UBE2E2: variants seen among roughly 807,000 people sequenced by gnomAD.
UBE2E2 encodes the protein ubiquitin conjugating enzyme E2 E2.
UBE2E2 carries 6 observed loss-of-function variants against 24.7 expected under a neutral mutation model. That is an observed-to-expected ratio of 0.24 (90% CI 0.13 to 0.48). The LOEUF (loss-of-function observed/expected upper bound fraction) is 0.48, where lower values mean the gene tolerates loss of function less well. Ranked by LOEUF, UBE2E2 falls within the 20% of genes least tolerant of loss-of-function variation. UBE2E2 has a pLI of 0.99. For missense variants in UBE2E2, 169 were observed against 245.0 expected, an observed-to-expected ratio of 0.69 and a Z score of 2.07; for synonymous variants, 104 against 83.6, an observed-to-expected ratio of 1.24 and a Z score of -1.33.
At chr3:23,487,079 G>A (rs542123858) in intron 3 of UBE2E2, among the ~76,000 whole-genome samples, 1 of 152,242 alleles carries the variant, frequency 6.6e-6, no homozygotes, top group African/African-American at 2.4e-5. Flanking sequence ...CAATACCCCC[G>A]GCCTCCCTCC....
intron 3 of UBE2E2, among the ~76,000 whole-genome samples, chr3:23,379,634 C>T (rs1696615848): frequency 6.6e-6 from 1 of 151,654 alleles, no homozygotes; most frequent in South Asian, 2.1e-4. Flanking sequence ...TTTCTTAATC[C>T]AGTCTATCAT....
chr3:23,314,440 T>C (rs916586299), intron 3 of UBE2E2, among the ~76,000 whole-genome samples: 5 of 152,196 alleles, frequency 3.3e-5, no homozygotes, highest in African/African-American at 9.7e-5. Context: ...ATAGTTATTA[T>C]TTTTGTTGGG....
intron 3 of UBE2E2, among the ~76,000 whole-genome samples, chr3:23,436,353 A>G (rs1346617066): frequency 2.0e-5 from 3 of 152,224 alleles, no homozygotes; most frequent in Non-Finnish European, 4.4e-5. Flanking sequence ...TCTTCTTGCC[A>G]GAATGACATG....
intron 3 of UBE2E2, among the ~76,000 whole-genome samples, chr3:23,360,105 G>T (rs17013128): frequency 0.029 from 4,437 of 152,138 alleles, 115 homozygotes; most frequent in East Asian, 0.13. Context: ...AAATGGAAAG[G>T]CCCCATAATA....
chr3:23,468,898 G>A (rs74973715), intron 3 of UBE2E2, among the ~76,000 whole-genome samples: 2,458 of 152,228 alleles, frequency 0.016, 27 homozygotes, highest in Non-Finnish European at 0.023. Context: ...GGTATATTGT[G>A]GGCATATACT....
intron 3 of UBE2E2, among the ~76,000 whole-genome samples, chr3:23,248,605 T>C (rs1697484786): frequency 6.6e-6 from 1 of 152,250 alleles, no homozygotes; most frequent in Admixed American, 6.5e-5. Flanking sequence ...CTATGTATAG[T>C]CTTCTTTACG....
At chr3:23,424,071 T>C (rs1310194560) in intron 3 of UBE2E2, among the ~76,000 whole-genome samples, 1 of 152,188 alleles carries the variant, frequency 6.6e-6, no homozygotes, top group Non-Finnish European at 1.5e-5. Context: ...CTTCAAGCTT[T>C]TGTTCCCTAA....
chr3:23,388,588 TCTAATG>T (rs1696861351), intron 3 of UBE2E2, among the ~76,000 whole-genome samples: 1 of 152,228 alleles, frequency 6.6e-6, no homozygotes, highest in Non-Finnish European at 1.5e-5. Context: ...ATGTTAATAC[TCTAATG>T]CTAATGAAAT....
Position 23,589,722 on chromosome 3 carries a change from C to G in UBE2E2, c.509-12C>G. On this transcript the variant is annotated splice_polypyrimidine_tract_variant and intron_variant, in intron 5 of 5. Coordinates refer to ENST00000396703, the MANE Select transcript of UBE2E2 (RefSeq NM_152653.4). The surrounding 1 kb of genome is among the most constrained non-coding windows in gnomAD (Gnocchi z 4.1). ...TGGTATTTACTGACTCCCAACTCTG[C>G]TTTCCTTGCAGCTGACCCTCTGGTG... is the stretch of plus-strand genomic sequence containing the variant. The G allele has an allele frequency of 3.1e-6, 5 of 1,613,824 alleles. No individual in the cohort carries two copies. The highest frequency in any genetic ancestry group is 3.4e-6 in the Non-Finnish European group (4 of 1,179,768).
At chr3:23,332,083 A>C (rs1279803332) in intron 3 of UBE2E2, among the ~76,000 whole-genome samples, 1 of 152,156 alleles carries the variant, frequency 6.6e-6, no homozygotes, top group Non-Finnish European at 1.5e-5. Context: ...AATATTGTGG[A>C]ATAATTTGTA....
At chr3:23,306,225 A>T (rs138938873) in intron 3 of UBE2E2, among the ~76,000 whole-genome samples, 1 of 152,192 alleles carries the variant, frequency 6.6e-6, no homozygotes, top group Non-Finnish European at 1.5e-5. Flanking sequence ...TTCTAAGTCT[A>T]TTCTGTTATT....
intron 5 of UBE2E2, among the ~76,000 whole-genome samples, chr3:23,582,860 AGTGTGTGTGTGT>A (rs58053821): frequency 2.6e-5 from 3 of 116,746 alleles, no homozygotes; most frequent in African/African-American, 7.1e-5. Context: ...TATTCTGTTG[AGTGTGTGTGTGT>A]GTGTGTGTGT....
chr3:23,460,555 G>A (rs1698786029), intron 3 of UBE2E2, among the ~76,000 whole-genome samples: 1 of 152,130 alleles, frequency 6.6e-6, no homozygotes, highest in Admixed American at 6.5e-5. Context: ...TATAATCAGA[G>A]GAGTTACAAT....
chr3:23,227,938 A>G (rs1482280621), intron 3 of UBE2E2, among the ~76,000 whole-genome samples: 1 of 152,098 alleles, frequency 6.6e-6, no homozygotes, highest in Non-Finnish European at 1.5e-5. Flanking sequence ...TTTTGCCTTT[A>G]CCTTGAGGCT....
chr3:23,509,665 C>T (rs931895521), intron 4 of UBE2E2, among the ~76,000 whole-genome samples: 65 of 151,926 alleles, frequency 4.3e-4, no homozygotes, highest in African/African-American at 1.5e-3. Flanking sequence ...GCCATGTTGG[C>T]GTGCTGCACC....
intron 3 of UBE2E2, among the ~76,000 whole-genome samples, chr3:23,449,188 A>G (rs948385288): frequency 2.0e-5 from 3 of 152,366 alleles, no homozygotes; most frequent in Non-Finnish European, 2.9e-5. Context: ...GCTGCAGCCC[A>G]AACAATGAAA....
intron 3 of UBE2E2, among the ~76,000 whole-genome samples, chr3:23,362,390 T>C (rs6550757): frequency 1 from 152,314 of 152,314 alleles, 76,157 homozygotes; most frequent in Non-Finnish European, 1. Context: ...GGAGACCACT[T>C]TGAGACTTGG....
At chr3:23,578,355 T>C (rs930052015) in intron 5 of UBE2E2, among the ~76,000 whole-genome samples, 1 of 152,150 alleles carries the variant, frequency 6.6e-6, no homozygotes, top group Non-Finnish European at 1.5e-5. Context: ...AGTTCAACCA[T>C]TGTGGAAGAC....
chr3:23,288,310 T>C (rs1300929408), intron 3 of UBE2E2, among the ~76,000 whole-genome samples: 1 of 152,250 alleles, frequency 6.6e-6, no homozygotes, highest in Non-Finnish European at 1.5e-5. Context: ...TTAAAATGTT[T>C]TGAGACTTGT....
Sources: allele counts gnomAD v4.1 joint callset (sites outside exome capture counted in the v4.1 genomes callset), GRCh38; gene constraint gnomAD v4.1.1; non-coding constraint Gnocchi (gnomAD v3.1); transcripts MANE v1.5; gene names NCBI Gene and HGNC (gene_info 2026-07-23, HGNC 2026-07-21).